The following CAMKMT variants were observed in gnomAD, a reference collection of about 807,000 sequenced individuals.
The protein encoded by CAMKMT is CaM KMT.
Under a neutral mutation model 48.0 loss-of-function variants are expected in CAMKMT, and 53 were observed. That is an observed-to-expected ratio of 1.10 (90% CI 0.89 to 1.39). The LOEUF (loss-of-function observed/expected upper bound fraction) is 1.39. Ranked by LOEUF, CAMKMT falls within the 40% of genes most tolerant of loss-of-function variation. CAMKMT has a pLI of 0.00. For synonymous variants in CAMKMT, 165 were observed against 152.3 expected, an observed-to-expected ratio of 1.08 and a Z score of -0.61; for missense variants, 428 against 402.7, an observed-to-expected ratio of 1.06 and a Z score of -0.54.
At chr2:44,632,629 A>G (rs971584350) in intron 3 of CAMKMT, among the ~76,000 whole-genome samples, 3 of 152,202 alleles carry the variant, frequency 2.0e-5, no homozygotes, top group Non-Finnish European at 4.4e-5. Flanking sequence ...GTTGGATTGA[A>G]AGATGCAAAG....
chr2:44,753,821 C>T (rs903220391), intron 8 of CAMKMT, among the ~76,000 whole-genome samples: 3 of 152,224 alleles, frequency 2.0e-5, no homozygotes, highest in Non-Finnish European at 4.4e-5. Context: ...ATGGCCCAGT[C>T]ACGTGTGAAT....
At chr2:44,605,314 A>C (rs1406094869) in intron 3 of CAMKMT, among the ~76,000 whole-genome samples, 2 of 152,164 alleles carry the variant, frequency 1.3e-5, no homozygotes, top group African/African-American at 2.4e-5. Context: ...TGTTGCTCAA[A>C]GTATGTTTTT....
intron 3 of CAMKMT, among the ~76,000 whole-genome samples, chr2:44,628,907 T>G (rs938093263): frequency 9.2e-5 from 14 of 152,190 alleles, no homozygotes; most frequent in African/African-American, 3.4e-4. Context: ...AATCTTTAAG[T>G]TATTGAAGAA....
chr2:44,544,374 G>A (rs1403255480), intron 3 of CAMKMT, among the ~76,000 whole-genome samples: 3 of 152,120 alleles, frequency 2.0e-5, no homozygotes, highest in African/African-American at 7.2e-5. Flanking sequence ...AATGGTTAAA[G>A]GACAAAAATT....
intron 1 of CAMKMT, chr2:44,369,594 C>G (rs1024827064): frequency 1.3e-5 from 2 of 152,186 alleles, no homozygotes; most frequent in Non-Finnish European, 2.9e-5. Flanking sequence ...ACTACCTCTA[C>G]CACAATAAAG....
At chr2:44,403,408 G>C (rs181609061) in intron 3 of CAMKMT, among the ~76,000 whole-genome samples, 1 of 152,194 alleles carries the variant, frequency 6.6e-6, no homozygotes, top group Admixed American at 6.5e-5. Context: ...AGCAAGGGTA[G>C]TTGCACAAAT....
intron 9 of CAMKMT, among the ~76,000 whole-genome samples, chr2:44,764,858 G>A (rs1251726867): frequency 6.6e-6 from 1 of 152,158 alleles, no homozygotes; most frequent in Non-Finnish European, 1.5e-5. Context: ...GTAGTGGAGA[G>A]AGCATCAGTG....
At chr2:44,715,757 G>A (rs1052378694) in intron 7 of CAMKMT, among the ~76,000 whole-genome samples, 1 of 152,092 alleles carries the variant, frequency 6.6e-6, no homozygotes, top group African/African-American at 2.4e-5. Flanking sequence ...TCATGACTTG[G>A]TAGGAGAGCG....
chr2:44,700,316 G>T (rs1305804253), intron 3 of CAMKMT, among the ~76,000 whole-genome samples: 2 of 152,134 alleles, frequency 1.3e-5, no homozygotes, highest in African/African-American at 2.4e-5. Flanking sequence ...TATCATTCGT[G>T]TGTTCACTGG....
chr2:44,393,775 T>A (rs544404909), intron 3 of CAMKMT, among the ~76,000 whole-genome samples: 1 of 152,186 alleles, frequency 6.6e-6, no homozygotes, highest in Non-Finnish European at 1.5e-5. Flanking sequence ...TCTATAAGCA[T>A]TGTAGCAGAT....
At chr2:44,405,950 T>C (rs1682748346) in intron 3 of CAMKMT, among the ~76,000 whole-genome samples, 1 of 152,224 alleles carries the variant, frequency 6.6e-6, no homozygotes, top group Admixed American at 6.5e-5. Flanking sequence ...GCCTAAACTT[T>C]AAGCCTTTTT....
intron 3 of CAMKMT, among the ~76,000 whole-genome samples, chr2:44,557,436 G>T (rs1212050393): frequency 6.6e-6 from 1 of 152,144 alleles, no homozygotes; most frequent in Non-Finnish European, 1.5e-5. Flanking sequence ...CCATTGGTTG[G>T]TTTCTTTGTT....
intron 3 of CAMKMT, among the ~76,000 whole-genome samples, chr2:44,517,223 C>CA (rs1344016047): frequency 6.6e-6 from 1 of 151,966 alleles, no homozygotes; most frequent in Non-Finnish European, 1.5e-5. Context: ...ATAATTGTTT[C>CA]AAAAATTTTT....
At chr2:44,610,110 G>A (rs1353456733) in intron 3 of CAMKMT, among the ~76,000 whole-genome samples, 2 of 152,164 alleles carry the variant, frequency 1.3e-5, no homozygotes, top group East Asian at 3.9e-4. Context: ...TATTAGTGAA[G>A]AGGCTACATT....
intron 3 of CAMKMT, among the ~76,000 whole-genome samples, chr2:44,537,897 G>T (rs1372337609): frequency 1.3e-5 from 2 of 152,148 alleles, no homozygotes; most frequent in African/African-American, 4.8e-5. Flanking sequence ...CAGTATGGAG[G>T]TTCCTTAAAG....
chr2:44,421,298 G>A (rs1683922071), intron 3 of CAMKMT, among the ~76,000 whole-genome samples: 1 of 152,042 alleles, frequency 6.6e-6, no homozygotes, highest in Non-Finnish European at 1.5e-5. Flanking sequence ...TTGGCAATGT[G>A]AAGAAATTTT....
chr2:44,464,409 C>G (rs1024215948), intron 3 of CAMKMT, among the ~76,000 whole-genome samples: 2 of 152,240 alleles, frequency 1.3e-5, no homozygotes, highest in East Asian at 1.9e-4. Context: ...GAGAATAGGA[C>G]AGAGAGCTTA....
rs747940794 is a variant in CAMKMT, at chr2:44,766,521, A to T, written c.854A>T (p.His285Leu). The change falls in exon 10 of 11, where the codon CAT becomes CTT. Residue 285 changes from histidine (H) to leucine (L), a missense_variant. Coordinates refer to ENST00000378494, the MANE Select transcript of CAMKMT (RefSeq NM_024766.5). ...AAAGCTGGTTTCTGTATCCAAAGACATGAAAATTATGATGAACACATTTCA... is the reference window on the plus strand; with the variant it reads ...AAAGCTGGTTTCTGTATCCAAAGACTTGAAAATTATGATGAACACATTTCA... ...AEKAGFCIQR[H>L]ENYDEHISNF... 2 of 1,614,068 alleles carry T rather than the reference A, an allele frequency of 1.2e-6. No homozygotes were observed. The highest frequency in any genetic ancestry group is 2.7e-5 in the African/African-American group (2 of 74,948).
chr2:44,435,684 T>C (rs373114035), intron 3 of CAMKMT, among the ~76,000 whole-genome samples: 2 of 152,378 alleles, frequency 1.3e-5, no homozygotes, highest in African/African-American at 4.8e-5. Context: ...GGTATGTCTT[T>C]AGCTTTTAGT....
Sources: gnomAD v4.1 joint callset for allele counts (sites outside exome capture counted in the v4.1 genomes callset) on GRCh38, gnomAD v4.1.1 for gene constraint, MANE v1.5 for transcripts, NCBI Gene and HGNC (gene_info 2026-07-23, HGNC 2026-07-21) for gene names.